GXYLT2: variants seen among roughly 807,000 people sequenced by gnomAD.
The protein encoded by GXYLT2 is glucoside xylosyltransferase 2.
Under a neutral mutation model 45.8 loss-of-function variants are expected in GXYLT2, and 53 were observed. The observed-to-expected ratio is 1.16, with a 90% CI of 0.93 to 1.46. The LOEUF (loss-of-function observed/expected upper bound fraction) is 1.46. Among genes scored for constraint, GXYLT2 ranks in the 40% most tolerant of loss-of-function variants. The pLI is 0.00. For synonymous variants in GXYLT2, 219 were observed against 214.2 expected, an observed-to-expected ratio of 1.02 and a Z score of -0.19; for missense variants, 551 against 544.4, an observed-to-expected ratio of 1.01 and a Z score of -0.12.
chr3:72,918,107 A>G (rs1005691904), intron 2 of GXYLT2, among the ~76,000 whole-genome samples: 6 of 152,226 alleles, frequency 3.9e-5, no homozygotes, highest in African/African-American at 1.4e-4. Context: ...AGCCACAAAC[A>G]ATATATAAAC....
intron 3 of GXYLT2, among the ~76,000 whole-genome samples, chr3:72,932,424 C>T (rs1710056874): frequency 6.6e-6 from 1 of 152,146 alleles, no homozygotes; most frequent in South Asian, 2.1e-4. Flanking sequence ...TATCTATTTC[C>T]ATTTTTGTTG....
At chr3:72,916,972 A>T (rs149544899) in intron 2 of GXYLT2, among the ~76,000 whole-genome samples, 1 of 152,146 alleles carries the variant, frequency 6.6e-6, no homozygotes, top group African/African-American at 2.4e-5. Context: ...TAACTTGAAA[A>T]GAATGAATGA....
At chr3:72,938,670 G>A (rs763636598) in intron 3 of GXYLT2, among the ~76,000 whole-genome samples, 1 of 152,186 alleles carries the variant, frequency 6.6e-6, no homozygotes, top group African/African-American at 2.4e-5. Context: ...CCAAAAGCAA[G>A]CATGGAAGCA....
intron 2 of GXYLT2, among the ~76,000 whole-genome samples, chr3:72,911,553 C>G (rs1709622791): frequency 6.6e-6 from 1 of 152,086 alleles, no homozygotes; most frequent in African/African-American, 2.4e-5. Flanking sequence ...AGCCAGCTAC[C>G]ATGTCAGAGT....
chr3:72,895,099 C>T (rs1488188876), intron 1 of GXYLT2, among the ~76,000 whole-genome samples: 2 of 152,330 alleles, frequency 1.3e-5, no homozygotes, highest in Admixed American at 1.3e-4. Flanking sequence ...TTTCTAGTGG[C>T]TGAAGCTTTA....
intron 5 of GXYLT2, among the ~76,000 whole-genome samples, chr3:72,960,558 G>A (rs772724539): frequency 1.3e-5 from 2 of 152,112 alleles, no homozygotes; most frequent in Non-Finnish European, 2.9e-5. Flanking sequence ...CTAAATCCTG[G>A]TTCTGCACAG....
At chr3:72,918,352 A>C (rs908270986) in intron 2 of GXYLT2, among the ~76,000 whole-genome samples, 1 of 152,328 alleles carries the variant, frequency 6.6e-6, no homozygotes, top group South Asian at 2.1e-4. Flanking sequence ...GCATTCTGTT[A>C]TATAGATAGA....
At chr3:72,896,222 A>G (rs935149010) in intron 1 of GXYLT2, among the ~76,000 whole-genome samples, 10 of 152,222 alleles carry the variant, frequency 6.6e-5, no homozygotes, top group Admixed American at 4.6e-4. Context: ...ATGCAGGTAA[A>G]GTGCTGACAC....
intron 6 of GXYLT2, among the ~76,000 whole-genome samples, chr3:72,973,001 A>T (rs895377141): frequency 6.6e-6 from 1 of 151,802 alleles, no homozygotes; most frequent in African/African-American, 2.4e-5. Context: ...TGAGGCTGAG[A>T]TGGAGGATCA....
At chr3:72,948,928 C>G (rs886068610) in intron 3 of GXYLT2, among the ~76,000 whole-genome samples, 3 of 151,354 alleles carry the variant, frequency 2.0e-5, no homozygotes, top group African/African-American at 7.3e-5. Flanking sequence ...GGGAACAGAA[C>G]TTTACAGAAT....
At chr3:72,905,307 G>A (rs942424158) in intron 1 of GXYLT2, among the ~76,000 whole-genome samples, 13 of 151,960 alleles carry the variant, frequency 8.6e-5, no homozygotes, top group African/African-American at 3.1e-4. Context: ...TAGTAGAGAC[G>A]AGGTTTCATC....
intron 1 of GXYLT2, among the ~76,000 whole-genome samples, chr3:72,889,542 G>A (rs1383665651): frequency 6.6e-6 from 1 of 151,992 alleles, no homozygotes; most frequent in Non-Finnish European, 1.5e-5. Context: ...CAAGTTTTAG[G>A]GGGAAAAAAC....
intron 5 of GXYLT2, among the ~76,000 whole-genome samples, chr3:72,959,106 CTTTTTTTTTTTTTTTTT>C (rs55680713): frequency 3.3e-5 from 2 of 60,000 alleles, no homozygotes; most frequent in Admixed American, 2.3e-4. Flanking sequence ...CCACACCCAG[CTTTTTTTTTTTTTTTTT>C]TTTTTTTTTT....
intron 1 of GXYLT2, among the ~76,000 whole-genome samples, chr3:72,890,091 T>C: frequency 6.6e-6 from 1 of 152,168 alleles, no homozygotes; most frequent in Non-Finnish European, 1.5e-5. Context: ...AGCTGATTTT[T>C]GTATTTTTAG....
chr3:72,912,525 C>T (rs1709652452), intron 2 of GXYLT2, among the ~76,000 whole-genome samples: 1 of 152,124 alleles, frequency 6.6e-6, no homozygotes, highest in Non-Finnish European at 1.5e-5. Flanking sequence ...TATATATGTA[C>T]ATACACATGT....
rs35108267 is a variant in GXYLT2, at chr3:72,912,013, A to ATTTTTT, written c.468+3464_468+3469dup. Among the ~76,000 whole-genome samples the ATTTTTT allele has an allele frequency of 9.4e-3, 1,079 of 114,832 alleles. 46 individuals are homozygous for ATTTTTT. The highest frequency in any genetic ancestry group is 0.041 in the African/African-American group (1,026 of 25,110). The allele number at this position is 114,832 out of a possible 152,430, so 75.3% of individuals were successfully genotyped here. ...TGTGTGTATATATATATATATATATATTTTTTTTTTTTTTTGAGACAGCGT... is the reference window on the plus strand; with the variant it reads ...TGTGTGTATATATATATATATATATATTTTTTTTTTTTTTTTTTTTTGAGACAGCGT... On this transcript the variant is annotated intron_variant, in intron 2 of 6. Coordinates refer to ENST00000389617, the MANE Select transcript of GXYLT2 (RefSeq NM_001080393.2).
At chr3:72,948,723 G>T (rs1382013838) in intron 3 of GXYLT2, among the ~76,000 whole-genome samples, 1 of 151,506 alleles carries the variant, frequency 6.6e-6, no homozygotes, top group Non-Finnish European at 1.5e-5. Flanking sequence ...TGTAATCCCA[G>T]CTACTTGGGA....
intron 2 of GXYLT2, 146 bp downstream of exon 2, chr3:72,908,705 A>G (rs1709556246): frequency 3.1e-6 from 2 of 655,392 alleles, no homozygotes; most frequent in Non-Finnish European, 5.2e-6. Flanking sequence ...AGTTTTTGGT[A>G]AAACAGGGAT....
At chr3:72,956,343 T>A (rs13081110) in intron 4 of GXYLT2, among the ~76,000 whole-genome samples, 61,148 of 152,072 alleles carry the variant, frequency 0.4, 15,082 homozygotes, top group Non-Finnish European at 0.55. Flanking sequence ...GAATGGGATA[T>A]GGAAGAAGAA....
Sources: allele counts gnomAD v4.1 joint callset (sites outside exome capture counted in the v4.1 genomes callset), GRCh38; gene constraint gnomAD v4.1.1; transcripts MANE v1.5; gene names NCBI Gene and HGNC (gene_info 2026-07-23, HGNC 2026-07-21).